The following ATAD2B variants were observed in gnomAD, a reference collection of about 807,000 sequenced individuals.
ATAD2B encodes ATPase family AAA domain-containing protein 2B.
A neutral mutation model predicts 167.6 loss-of-function variants in ATAD2B; 40 were observed. The observed-to-expected ratio is 0.24, with a 90% CI of 0.19 to 0.31. The LOEUF is 0.31. ATAD2B is among the 10% of genes least tolerant of loss of function. The pLI is 1.00. For missense variants in ATAD2B, 1,242 were observed against 1,757.2 expected (o/e 0.71, Z 5.24); for synonymous variants, 579 against 596.5 (o/e 0.97, Z 0.43).
chr2:23,871,581 T>C (rs1695984340), intron 8 of ATAD2B, among the ~76,000 whole-genome samples: 1 of 152,194 alleles, frequency 6.6e-6, no homozygotes, highest in African/African-American at 2.4e-5. Context: ...ATTCCAACCC[T>C]GTACCAATCC....
chr2:23,838,174 T>C (rs996901290), intron 13 of ATAD2B, among the ~76,000 whole-genome samples: 2 of 152,246 alleles, frequency 1.3e-5, no homozygotes, highest in Non-Finnish European at 2.9e-5. Context: ...TGTGTGATTC[T>C]TCTTTTCAAA....
intron 13 of ATAD2B, among the ~76,000 whole-genome samples, chr2:23,845,785 G>C (rs1471248158): frequency 1.3e-5 from 2 of 149,752 alleles, no homozygotes; most frequent in African/African-American, 4.9e-5. Flanking sequence ...TCACTATGTT[G>C]GCCAGGCTGG....
chr2:23,703,629 C>G, the ATAD2B span: 1 of 1,408,332 alleles, frequency 7.1e-7, no homozygotes, highest in Non-Finnish European at 9.4e-7. Flanking sequence ...GTCTTTCGAG[C>G]TTCCTTCCCT....
chr2:23,920,805 A>T (rs35324570), intron 1 of ATAD2B, among the ~76,000 whole-genome samples: 6 of 151,810 alleles, frequency 4.0e-5, no homozygotes, highest in Non-Finnish European at 7.4e-5. Flanking sequence ...AAAATTCCCA[A>T]TTTTTTTTAC....
At chr2:23,765,734 G>A (rs745654293) in intron 22 of ATAD2B, 106 bp from the exon 23 acceptor site, 22 of 712,164 alleles carry the variant, frequency 3.1e-5, no homozygotes, top group South Asian at 4.0e-5. Flanking sequence ...AAAAAGCATT[G>A]CTAGGTGAGA....
Position 23,750,641 on chromosome 2 carries a change from C to T in ATAD2B, c.*1405G>A, listed in dbSNP as rs1216309008. 1 of 152,096 alleles carries T rather than the reference C, an allele frequency of 6.6e-6. No homozygotes were observed. The highest frequency in any genetic ancestry group is 1.9e-4 in the East Asian group (1 of 5,192). The allele number at this position is 152,096 out of a possible 1,614,324, so 9.4% of individuals were successfully genotyped here. On this transcript the variant is annotated 3_prime_UTR_variant, in exon 28 of 28. Coordinates refer to ENST00000238789, the MANE Select transcript of ATAD2B (RefSeq NM_017552.4). The stretch of plus-strand genomic sequence containing the variant: ...AAGACACACCTGCAGCTAACGGCTA[C>T]AATGAATGAAGATACCAAGCCAACT...
intron 1 of ATAD2B, among the ~76,000 whole-genome samples, chr2:23,906,265 T>A (rs1287461705): frequency 1.3e-5 from 2 of 151,608 alleles, no homozygotes; most frequent in East Asian, 3.9e-4. Flanking sequence ...CACTTGAACC[T>A]GGAAGGCGGA....
At chr2:23,882,502 TAA>T (rs770725105) in intron 6 of ATAD2B, among the ~76,000 whole-genome samples, 40 of 92,220 alleles carry the variant, frequency 4.3e-4, no homozygotes, top group African/African-American at 1.2e-3. Flanking sequence ...AGCCTCTATT[TAA>T]AAAAAAAAAA....
intron 2 of ATAD2B, among the ~76,000 whole-genome samples, chr2:23,889,990 A>G (rs1305078862): frequency 1.3e-5 from 2 of 151,888 alleles, no homozygotes; most frequent in East Asian, 1.9e-4. Flanking sequence ...CGAGGCGGGC[A>G]GATTACGAGG....
rs538712912 is a variant in ATAD2B, at chr2:23,751,171, G to A, written c.*875C>T. On this transcript the variant is annotated 3_prime_UTR_variant, in exon 28 of 28. Coordinates refer to ENST00000238789, the MANE Select transcript of ATAD2B (RefSeq NM_017552.4). Reference sequence around the variant, plus strand: ...TCATCATTGTTGGCAATACCAAAACGTGTGCAGTTTTGTTTTTTGTTTTTT... The same window carrying A: ...TCATCATTGTTGGCAATACCAAAACATGTGCAGTTTTGTTTTTTGTTTTTT... 3.9e-5 allele frequency: 6 copies of A among 152,140 alleles called. No homozygotes were observed. Among genetic ancestry groups the A allele is most frequent in the African/African-American group, 7.2e-5 (3 of 41,524 alleles). 9.4% of individuals were successfully genotyped at this position (152,140 alleles called of 1,614,324 possible).
At chr2:23,724,363 C>G in the ATAD2B span, among the ~76,000 whole-genome samples, 1 of 151,996 alleles carries the variant, frequency 6.6e-6, no homozygotes, top group African/African-American at 2.4e-5. Context: ...GTTGAAACAT[C>G]CCCATGTACC....
At chr2:23,741,553 C>T in the ATAD2B span, among the ~76,000 whole-genome samples, 1 of 152,080 alleles carries the variant, frequency 6.6e-6, no homozygotes, top group South Asian at 2.1e-4. Context: ...AAAATTAATT[C>T]AAGATGGATT....
At chr2:23,899,948 G>C (rs567188630) in intron 1 of ATAD2B, among the ~76,000 whole-genome samples, 1 of 115,786 alleles carries the variant, frequency 8.6e-6, no homozygotes, top group South Asian at 2.8e-4. Flanking sequence ...TTTTGAGACA[G>C]AGTCTAGCTC....
chr2:23,775,077 T>C (rs1408059733), intron 22 of ATAD2B, among the ~76,000 whole-genome samples: 1 of 151,998 alleles, frequency 6.6e-6, no homozygotes, highest in Non-Finnish European at 1.5e-5. Flanking sequence ...AAAAAAGTAA[T>C]AAATGTCTCA....
At chr2:23,745,283 C>CAGCAAGCA (rs1038545986), downstream of ATAD2B, among the ~76,000 whole-genome samples, 1 of 150,768 alleles carries the variant, frequency 6.6e-6, no homozygotes, top group South Asian at 2.1e-4. Flanking sequence ...CCAGACTCCA[C>CAGCAAGCA]AGCAAGCAAG....
intron 1 of ATAD2B, among the ~76,000 whole-genome samples, chr2:23,913,584 G>A (rs1702601568): frequency 1.3e-5 from 2 of 150,660 alleles, no homozygotes; most frequent in African/African-American, 4.9e-5. Flanking sequence ...AGGCTGCAGT[G>A]AGCCGAGATC....
At chr2:23,708,168 T>C in the ATAD2B span, 11 of 152,266 alleles carry the variant, frequency 7.2e-5, no homozygotes, top group Non-Finnish European at 1.6e-4. Context: ...AGTTCTAACG[T>C]TGGGCATCAA....
chr2:23,761,348 G>A (rs540825639), intron 24 of ATAD2B, among the ~76,000 whole-genome samples: 3 of 152,326 alleles, frequency 2.0e-5, no homozygotes, highest in Admixed American at 1.3e-4. Context: ...AGTAGTTCAG[G>A]TTGAGTATCC....
chr2:23,738,092 CG>C, the ATAD2B span, among the ~76,000 whole-genome samples: 1 of 152,112 alleles, frequency 6.6e-6, no homozygotes, highest in Non-Finnish European at 1.5e-5. Context: ...CTGAAAGTGA[CG>C]GGGAGAATGG....
Sources: gnomAD v4.1 joint callset for allele counts (sites outside exome capture counted in the v4.1 genomes callset) on GRCh38, gnomAD v4.1.1 for gene constraint, MANE v1.5 for transcripts, NCBI Gene and HGNC (gene_info 2026-07-23, HGNC 2026-07-21) for gene names.